MARCHF11: variants seen among roughly 807,000 people sequenced by gnomAD.
The protein encoded by MARCHF11 is E3 ubiquitin-protein ligase MARCHF11.
MARCHF11 carries 29 observed loss-of-function variants against 37.3 expected under a neutral mutation model. That is an observed-to-expected ratio of 0.78 (90% CI 0.58 to 1.06). MARCHF11 has a LOEUF of 1.06. MARCHF11 is among the 50% of genes least tolerant of loss of function. The pLI, the probability that MARCHF11 is intolerant of heterozygous loss-of-function variation, is 0.00. For missense variants in MARCHF11, 482 were observed against 533.4 expected, an observed-to-expected ratio of 0.90 and a Z score of 0.95; for synonymous variants, 233 against 228.0, an observed-to-expected ratio of 1.02 and a Z score of -0.20.
chr5:16,109,654 G>A (rs1737104700), intron 2 of MARCHF11, among the ~76,000 whole-genome samples: 1 of 152,184 alleles, frequency 6.6e-6, no homozygotes, highest in Non-Finnish European at 1.5e-5. Flanking sequence ...ACCCAAGGCA[G>A]GTGGGGGGAG....
chr5:16,089,162 C>T lies in MARCHF11; in HGVS notation c.886+1727G>A, dbSNP rs187117207. On this transcript the variant is annotated intron_variant, in intron 3 of 3. Coordinates refer to ENST00000332432, the MANE Select transcript of MARCHF11 (RefSeq NM_001102562.3). The stretch of plus-strand genomic sequence containing the variant: ...TCTTTTTGAGTGTTTATACTGAGGG[C>T]AAGAAAGTCAACTGGACTTTTTTTC... 3.9e-5 allele frequency among the ~76,000 whole-genome samples: 6 copies of T among 151,978 alleles called. No individual in the cohort carries two copies. The East Asian group carries it at 1.2e-3, about 29-fold the overall frequency.
chr5:16,104,975 G>A (rs1737014927), intron 2 of MARCHF11, among the ~76,000 whole-genome samples: 2 of 152,236 alleles, frequency 1.3e-5, no homozygotes, highest in Non-Finnish European at 2.9e-5. Flanking sequence ...GGCACATAGT[G>A]GGTGTTCACA....
intron 2 of MARCHF11, among the ~76,000 whole-genome samples, chr5:16,145,242 G>A (rs973932482): frequency 3.9e-5 from 6 of 152,150 alleles, no homozygotes; most frequent in African/African-American, 1.4e-4. Context: ...CAAAATTCAT[G>A]TGTTAGAAAC....
At chr5:16,122,710 T>C (rs932110535) in intron 2 of MARCHF11, among the ~76,000 whole-genome samples, 1 of 152,166 alleles carries the variant, frequency 6.6e-6, no homozygotes, top group African/African-American at 2.4e-5. Context: ...CACCCACTCC[T>C]TCCTAGTTAC....
At chr5:16,086,553 T>G (rs1437183799) in intron 3 of MARCHF11, among the ~76,000 whole-genome samples, 1 of 152,202 alleles carries the variant, frequency 6.6e-6, no homozygotes, top group Non-Finnish European at 1.5e-5. Context: ...GATTTGCCAT[T>G]AACTTGCGGT....
intron 3 of MARCHF11, among the ~76,000 whole-genome samples, chr5:16,069,461 C>A (rs931642173): frequency 6.6e-6 from 1 of 152,004 alleles, no homozygotes; most frequent in African/African-American, 2.4e-5. Context: ...GATATTAATG[C>A]TCAACATATT....
intron 3 of MARCHF11, among the ~76,000 whole-genome samples, chr5:16,089,873 G>A (rs1282901203): frequency 8.5e-5 from 13 of 152,150 alleles, no homozygotes; most frequent in Admixed American, 3.3e-4. Flanking sequence ...TTTTATAGGT[G>A]AGAAAACAGA....
intron 2 of MARCHF11, among the ~76,000 whole-genome samples, chr5:16,166,588 A>T (rs897108380): frequency 6.6e-6 from 1 of 152,082 alleles, no homozygotes; most frequent in African/African-American, 2.4e-5. Context: ...AGAAATTTCT[A>T]TATGTAACAT....
At chr5:16,081,875 C>G in intron 3 of MARCHF11, among the ~76,000 whole-genome samples, 1 of 152,290 alleles carries the variant, frequency 6.6e-6, no homozygotes. Flanking sequence ...CCTTGAGAGG[C>G]CATTCCATGC....
At chr5:16,166,717 T>A (rs1738174825) in intron 2 of MARCHF11, among the ~76,000 whole-genome samples, 1 of 152,050 alleles carries the variant, frequency 6.6e-6, no homozygotes, top group African/African-American at 2.4e-5. Flanking sequence ...AAATGTATCA[T>A]CAATATAGAA....
At chr5:16,149,377 G>T (rs751054764) in intron 2 of MARCHF11, among the ~76,000 whole-genome samples, 1 of 152,076 alleles carries the variant, frequency 6.6e-6, no homozygotes, top group African/African-American at 2.4e-5. Flanking sequence ...ATGAAAAATC[G>T]TAAGAATTCA....
Position 16,088,186 on chromosome 5 carries a change from T to C in MARCHF11, c.886+2703A>G, listed in dbSNP as rs77769558. Among the ~76,000 whole-genome samples, 1,349 of 152,216 alleles carry C rather than the reference T, an allele frequency of 8.9e-3. 16 individuals carry two copies. Among genetic ancestry groups the C allele is most frequent in the African/African-American group, 0.031 (1,275 of 41,528 alleles). On this transcript the variant is annotated intron_variant, in intron 3 of 3. Coordinates refer to ENST00000332432, the MANE Select transcript of MARCHF11 (RefSeq NM_001102562.3). ...CCATGAAATCGGCCTGAAACCTTCCTCTCCCTACACACAGCACCGCAGAGT... is the reference window on the plus strand; with the variant it reads ...CCATGAAATCGGCCTGAAACCTTCCCCTCCCTACACACAGCACCGCAGAGT...
intron 2 of MARCHF11, among the ~76,000 whole-genome samples, chr5:16,174,215 T>A (rs545787253): frequency 6.6e-6 from 1 of 152,224 alleles, no homozygotes; most frequent in Non-Finnish European, 1.5e-5. Flanking sequence ...AAAACAGAAC[T>A]AGGCTTTACT....
At chr5:16,133,713 C>A (rs1230172537) in intron 2 of MARCHF11, among the ~76,000 whole-genome samples, 1 of 151,848 alleles carries the variant, frequency 6.6e-6, no homozygotes, top group African/African-American at 2.4e-5. Flanking sequence ...ACAGAGTGTC[C>A]AATCTTTTGG....
chr5:16,179,322 G>A lies in MARCHF11; in HGVS notation c.254C>T (p.Pro85Leu). ...GCCGGCGGGCTGCAGGGGCAGGGGC[G>A]GAGGCGGCAGCTCGTCCGCTCCCCT... ...RCRGADELPP[P>L]PLPLQPAGQE... is the part of the protein sequence containing the mutation. The change falls in exon 1 of 4, where the codon CCG (proline) becomes CTG (leucine). Residue 85 changes from proline to leucine, a missense_variant. Transcript: ENST00000332432. 1.6e-6 allele frequency: 2 copies of A among 1,236,508 alleles called. No individual in the cohort carries two copies. The highest frequency in any genetic ancestry group is 2.0e-6 in the Non-Finnish European group (2 of 990,200). The allele number at this position is 1,236,508 out of a possible 1,614,324, so 76.6% of individuals were successfully genotyped here. A position where few individuals can be genotyped will look rare whatever the true frequency, so the allele number is the denominator to read the frequency against.
At chr5:16,178,569 T>C (rs999471123) in intron 1 of MARCHF11, among the ~76,000 whole-genome samples, 1 of 152,240 alleles carries the variant, frequency 6.6e-6, no homozygotes, top group South Asian at 2.1e-4. Flanking sequence ...AACTATCACA[T>C]GCTTTTCACA....
At chr5:16,133,689 T>C (rs1326338166) in intron 2 of MARCHF11, among the ~76,000 whole-genome samples, 1 of 151,756 alleles carries the variant, frequency 6.6e-6, no homozygotes, top group Non-Finnish European at 1.5e-5. Flanking sequence ...ATGAAAAAAG[T>C]TGAAATATTT....
chr5:16,091,640 C>T (rs995788527), intron 2 of MARCHF11, among the ~76,000 whole-genome samples: 2 of 152,104 alleles, frequency 1.3e-5, no homozygotes, highest in African/African-American at 2.4e-5. Context: ...TGGTACATTC[C>T]ATATACTCAG....
chr5:16,136,973 A>C (rs1409295107), intron 2 of MARCHF11, among the ~76,000 whole-genome samples: 2 of 152,208 alleles, frequency 1.3e-5, no homozygotes, highest in Non-Finnish European at 2.9e-5. Context: ...ACAACATTAC[A>C]TGACCTTTCT....
Sources: gnomAD v4.1 joint callset for allele counts (sites outside exome capture counted in the v4.1 genomes callset) on GRCh38, gnomAD v4.1.1 for gene constraint, MANE v1.5 for transcripts, NCBI Gene and HGNC (gene_info 2026-07-23, HGNC 2026-07-21) for gene names.